TTC28: variants seen among roughly 807,000 people sequenced by gnomAD.
TTC28 encodes the protein tetratricopeptide repeat domain 28, also known as tetratricopeptide repeat protein 28.
Under a neutral mutation model 198.0 loss-of-function variants are expected in TTC28, and 61 were observed. The observed-to-expected ratio is 0.31, with a 90% CI of 0.25 to 0.38. The LOEUF (loss-of-function observed/expected upper bound fraction) is 0.38. TTC28 is among the 10% of genes least tolerant of loss of function. TTC28 has a pLI of 1.00. For missense variants in TTC28, 2,678 were observed against 3,164.0 expected (o/e 0.85, Z 3.69); for synonymous variants, 1,171 against 1,297.8 (o/e 0.90, Z 2.10).
rs758914544 is a variant in TTC28, at chr22:28,594,050, A to C, written c.381+35502T>G. ...TCATGAAAGATACAAAGACGAAAAC[A>C]AAAAGTTCCCAGGACTATAATTAAG... is the stretch of plus-strand genomic sequence containing the variant. On this transcript the variant is annotated intron_variant, in intron 2 of 22. Transcript: ENST00000397906. 5.4e-4 allele frequency among the ~76,000 whole-genome samples: 82 copies of C among 152,154 alleles called. 1 individual carries two copies. The highest frequency in any genetic ancestry group is 1.1e-3 in the Non-Finnish European group (76 of 68,010).
intron 2 of TTC28, among the ~76,000 whole-genome samples, chr22:28,612,680 C>T (rs1389136157): frequency 6.6e-6 from 1 of 152,154 alleles, no homozygotes; most frequent in African/African-American, 2.4e-5. Context: ...TTAAGAAAGT[C>T]ACTCAAAACC....
rs567336561 is a variant in TTC28 at position 28,098,827 on chromosome 22, C to T, written c.3547+88G>A. On this transcript the variant is annotated intron_variant, in intron 10 of 22. Coordinates refer to ENST00000397906, the MANE Select transcript of TTC28 (RefSeq NM_001145418.2). ...GTCACAACAAATCATATTTCTTCAC[C>T]GCTGTCACTAAACAACTTGGACACA... 15 of 1,452,084 alleles carry T rather than the reference C, an allele frequency of 1.0e-5. No homozygotes were observed. The South Asian group carries it at 1.3e-4, about 12-fold the overall frequency. The allele number at this position is 1,452,084 out of a possible 1,614,324, so 89.9% of individuals were successfully genotyped here.
intron 5 of TTC28, among the ~76,000 whole-genome samples, chr22:28,219,873 G>A (rs1190449357): frequency 6.6e-6 from 1 of 152,186 alleles, no homozygotes; most frequent in Non-Finnish European, 1.5e-5. Context: ...CATTCATCCT[G>A]AACCATTTAT....
chr22:28,245,341 A>C (rs751118832), intron 5 of TTC28, among the ~76,000 whole-genome samples: 1 of 152,192 alleles, frequency 6.6e-6, no homozygotes, highest in Admixed American at 6.5e-5. Flanking sequence ...TATTATTAAC[A>C]ATTACAATAA....
At chr22:28,597,378 T>C (rs891056461) in intron 2 of TTC28, among the ~76,000 whole-genome samples, 2 of 152,178 alleles carry the variant, frequency 1.3e-5, no homozygotes, top group Non-Finnish European at 2.9e-5. Context: ...CATTCTACTT[T>C]CTATATAACT....
At chr22:28,110,391 C>T (rs1942449463) in intron 6 of TTC28, among the ~76,000 whole-genome samples, 1 of 152,090 alleles carries the variant, frequency 6.6e-6, no homozygotes, top group Non-Finnish European at 1.5e-5. Context: ...ATAACACCAA[C>T]CTTAGTAGGT....
At chr22:28,453,713 CCTTT>C (rs2047817912) in intron 2 of TTC28, among the ~76,000 whole-genome samples, 1 of 152,146 alleles carries the variant, frequency 6.6e-6, no homozygotes. Context: ...TCATCTCTAC[CCTTT>C]CTCTTTAGCA....
chr22:28,678,096 G>C (rs972825332), intron 1 of TTC28, among the ~76,000 whole-genome samples: 1 of 152,142 alleles, frequency 6.6e-6, no homozygotes, highest in Non-Finnish European at 1.5e-5. Flanking sequence ...CCAATGGAAT[G>C]AAATCCTAAA....
intron 2 of TTC28, among the ~76,000 whole-genome samples, chr22:28,561,126 T>C (rs1167501429): frequency 7.2e-6 from 1 of 138,066 alleles, no homozygotes; most frequent in Non-Finnish European, 1.5e-5. Flanking sequence ...CAGGCTGGAG[T>C]GCAGTGGCGC....
At chr22:28,651,324 C>A (rs753535535) in intron 1 of TTC28, among the ~76,000 whole-genome samples, 5 of 118,682 alleles carry the variant, frequency 4.2e-5, no homozygotes, top group Non-Finnish European at 7.2e-5. Flanking sequence ...TTTTTTGAGA[C>A]AGGGTCTTGC....
At chr22:28,633,875 G>A (rs1189392045) in intron 1 of TTC28, among the ~76,000 whole-genome samples, 4 of 152,018 alleles carry the variant, frequency 2.6e-5, no homozygotes, top group African/African-American at 9.7e-5. Flanking sequence ...TCTGAGAGGG[G>A]GAAATACCAT....
intron 2 of TTC28, among the ~76,000 whole-genome samples, chr22:28,474,334 A>G (rs1386745308): frequency 6.6e-6 from 1 of 152,218 alleles, no homozygotes; most frequent in Non-Finnish European, 1.5e-5. Flanking sequence ...CAGAATCCCT[A>G]TAAGGCTCAG....
intron 5 of TTC28, among the ~76,000 whole-genome samples, chr22:28,179,449 C>T (rs1168403219): frequency 2.6e-5 from 4 of 152,124 alleles, no homozygotes; most frequent in African/African-American, 7.2e-5. Context: ...CATGAGGCAC[C>T]GCGCCTGGCC....
intron 5 of TTC28, chr22:28,232,904 C>T (rs1928925239): frequency 6.6e-6 from 1 of 152,008 alleles, no homozygotes; most frequent in African/African-American, 2.4e-5. Context: ...AGTTCAAGAC[C>T]AGCCTGGCCA....
At chr22:28,517,822 AC>A (rs2048820047) in intron 2 of TTC28, among the ~76,000 whole-genome samples, 1 of 152,108 alleles carries the variant, frequency 6.6e-6, no homozygotes, top group African/African-American at 2.4e-5. Flanking sequence ...AATATTTACA[AC>A]TCTTTACATC....
intron 8 of TTC28, among the ~76,000 whole-genome samples, chr22:28,101,874 A>G (rs1942167267): frequency 1.3e-5 from 2 of 151,952 alleles, no homozygotes; most frequent in South Asian, 4.2e-4. Context: ...AGGTAGAATA[A>G]GCATTGTCTT....
At chr22:28,503,396 C>T (rs2048562518) in intron 2 of TTC28, among the ~76,000 whole-genome samples, 1 of 152,100 alleles carries the variant, frequency 6.6e-6, no homozygotes, top group African/African-American at 2.4e-5. Context: ...CATGGGTTTT[C>T]GTATCTTTAC....
chr22:28,100,014 A>G lies in TTC28; in HGVS notation c.3418-970T>C, dbSNP rs189201983. Among the ~76,000 whole-genome samples, 144 of 152,340 alleles carry G rather than the reference A, an allele frequency of 9.5e-4. 1 individual carries two copies. The highest frequency in any genetic ancestry group is 3.3e-3 in the African/African-American group (137 of 41,594). ...ACGGAGACATTGTCCTGATGCTCTA[A>G]CAGGCTCCTCCATCAGTGAGGCCAT... On this transcript the variant is annotated intron_variant, in intron 9 of 22. Transcript: ENST00000397906.
intron 5 of TTC28, among the ~76,000 whole-genome samples, chr22:28,218,245 T>C (rs1927559100): frequency 6.6e-6 from 1 of 152,240 alleles, no homozygotes; most frequent in Non-Finnish European, 1.5e-5. Flanking sequence ...TATAACATTA[T>C]GCATTGGCTA....
Sources: gnomAD v4.1 joint callset for allele counts (sites outside exome capture counted in the v4.1 genomes callset) on GRCh38, gnomAD v4.1.1 for gene constraint, MANE v1.5 for transcripts, NCBI Gene and HGNC (gene_info 2026-07-23, HGNC 2026-07-21) for gene names.